CLPTM1L: variants seen among roughly 807,000 people sequenced by gnomAD.
CLPTM1L encodes lipid scramblase CLPTM1L.
In CLPTM1L, 38 loss-of-function variants were observed where a neutral mutation model predicts 70.9. That is an observed-to-expected ratio of 0.54 (90% confidence interval 0.41 to 0.70). CLPTM1L has a LOEUF of 0.70. Ranked by LOEUF, CLPTM1L falls within the 30% of genes least tolerant of loss-of-function variation. CLPTM1L has a pLI of 0.00. For synonymous variants in CLPTM1L, 339 were observed against 299.9 expected (o/e 1.13, Z -1.35); for missense variants, 652 against 705.9 (o/e 0.92, Z 0.87).
chr5:1,341,474 A>T (rs931055086), intron 3 of CLPTM1L, among the ~76,000 whole-genome samples, 197 bp downstream of exon 3: 1 of 152,242 alleles, frequency 6.6e-6, no homozygotes, highest in Non-Finnish European at 1.5e-5. Context: ...CTAATTTTAG[A>T]TAAAACTTGT....
intron 9 of CLPTM1L, among the ~76,000 whole-genome samples, chr5:1,330,010 G>A (rs575632076): frequency 1.3e-5 from 2 of 150,630 alleles, no homozygotes; most frequent in East Asian, 2.0e-4. Context: ...AGGACTATCT[G>A]CTTGGTGGAC....
At chr5:1,334,432 T>C (rs750854003) in intron 6 of CLPTM1L, 49 bp from the exon 7 acceptor site, 35 of 1,261,618 alleles carry the variant, frequency 2.8e-5, no homozygotes, top group Non-Finnish European at 2.7e-5. Flanking sequence ...ATGTCAATCT[T>C]ACCTAACATT....
At chr5:1,330,238 C>A in intron 9 of CLPTM1L, 42 bp downstream of exon 9, 3 of 1,522,802 alleles carry the variant, frequency 2.0e-6, no homozygotes, top group Non-Finnish European at 2.7e-6. Context: ...TGCGTGGAGG[C>A]ACATGGACCT....
rs1751979299 is a variant in CLPTM1L, at chr5:1,318,746, G to T, written c.1533-293C>A. 6.6e-6 allele frequency among the ~76,000 whole-genome samples: 1 copy of T among 152,322 alleles called. No individual in the cohort carries two copies. The highest frequency in any genetic ancestry group is 3.4e-3 in the Middle Eastern group (1 of 294). On this transcript the variant is annotated intron_variant, in intron 16 of 16. Transcript: ENST00000320895. This position sits in a 1 kb window ranked among gnomAD's most constrained non-coding sequence, Gnocchi z 8.9. The stretch of plus-strand genomic sequence containing the variant: ...TGGCTGAAGGGGGGACCCGGAGGCT[G>T]CACGGGCTGCCTTCTGGGAACGGTG...
Position 1,323,854 on chromosome 5 carries a change from A to G in CLPTM1L, c.1213T>C (p.Ser405Pro), listed in dbSNP as rs1561230478. Residue 405 changes from serine to proline, a missense_variant, in exon 12 of 17, where the codon TCA (serine) becomes CCA (proline). Physicochemically the swap from Ser to Pro is moderately conservative, Grantham distance 74. Around this residue, in one of 3 missense-constraint regions of CLPTM1L, gnomAD observed 240 missense variants for 295.0 expected, o/e 0.81. Coordinates refer to ENST00000320895, the MANE Select transcript of CLPTM1L (RefSeq NM_030782.5). ...ACACAGAGAGGGTACAGCAGGTATG[A>G]CAAGTACTTCATGGCCTGCAGGGAA... ...EYDTQAMKYL[S>P]YLLYPLCVGG... 1 of 1,613,564 alleles carries G rather than the reference A, an allele frequency of 6.2e-7. No homozygotes were observed. Among genetic ancestry groups the G allele is most frequent in the Non-Finnish European group, 8.5e-7 (1 of 1,179,786 alleles).
In CLPTM1L at chr5:1,321,710, T is replaced by C. The variant is rs567074370; in HGVS notation, c.1372-31A>G. 36 of 1,613,932 alleles carry C rather than the reference T, an allele frequency of 2.2e-5. No homozygotes were observed. In the African/African-American group the frequency reaches 3.5e-4, roughly 16 times the overall value. On this transcript the variant is annotated intron_variant, in intron 14 of 16. Coordinates refer to ENST00000320895, the MANE Select transcript of CLPTM1L (RefSeq NM_030782.5). ...ACAGGAGAGACAGGCCCAGGTCAGC[T>C]GTGGGCAGCACAGGAGACGGGGGCC...
Position 1,320,655 on chromosome 5 carries a change from C to T in CLPTM1L, c.1493G>A (p.Arg498Gln), listed in dbSNP as rs771252174. 2.1e-5 allele frequency: 32 copies of T among 1,547,134 alleles called. No individual in the cohort carries two copies. The highest frequency in any genetic ancestry group is 2.0e-4 in the Middle Eastern group (1 of 4,926). ...MPTSHRLACF[R>Q]DDVVFLVYLY... is the part of the protein sequence containing the mutation. Reference sequence around the variant, plus strand: ...GTAGACCAGAAACACCACGTCGTCCCGGAAGCAGGCCAGCCGGTGAGACGT... The same window carrying T: ...GTAGACCAGAAACACCACGTCGTCCTGGAAGCAGGCCAGCCGGTGAGACGT... The change falls in exon 16 of 17, where the codon CGG (arginine) becomes CAG (glutamine). Residue 498 changes from arginine (R) to glutamine (Q), a missense_variant. Coordinates refer to ENST00000320895, the MANE Select transcript of CLPTM1L (RefSeq NM_030782.5).
Position 1,339,746 on chromosome 5 carries a change from T to G in CLPTM1L, c.454-741A>C, listed in dbSNP as rs556745822. ...ACCTGTGAACAGATGGCCACGCACA[T>G]GGAAAAACCGCGCCCGGACAGCAGG... On this transcript the variant is annotated intron_variant, in intron 3 of 16. Transcript: ENST00000320895. Among the ~76,000 whole-genome samples, 2 of 60,404 alleles carry G rather than the reference T, an allele frequency of 3.3e-5. 1 individual carries two copies. The highest frequency in any genetic ancestry group is 8.3e-4 in the South Asian group (2 of 2,420). The allele number at this position is 60,404 out of a possible 152,430, so 39.6% of individuals were successfully genotyped here. A position where few individuals can be genotyped will look rare whatever the true frequency, so the allele number is the denominator to read the frequency against.
At chr5:1,336,950 C>T (rs903955428) in intron 5 of CLPTM1L, among the ~76,000 whole-genome samples, 11 of 152,214 alleles carry the variant, frequency 7.2e-5, no homozygotes, top group Admixed American at 4.6e-4. Context: ...GCTGCACCCC[C>T]CCGCTAGCAA....
Position 1,338,930 on chromosome 5 carries a change from T to G in CLPTM1L, c.529A>C (p.Asn177His), listed in dbSNP as rs1366179644. The G allele has an allele frequency of 6.2e-7, 1 of 1,613,370 alleles. No homozygotes were observed. The highest frequency in any genetic ancestry group is 1.1e-5 in the South Asian group (1 of 91,092). The stretch of plus-strand genomic sequence containing the variant: ...AAGACAAAGTTGTCCGCCATCACGT[T>G]CAGCGCCAGCCGCGGTCGCCAGTGG... ...VSHWRPRLAL[N>H]VMADNFVFDG... The change falls in exon 4 of 17, where the codon AAC becomes CAC. Residue 177 changes from asparagine to histidine, a missense_variant. Asn to His is a moderately conservative substitution (Grantham distance 68). Around this residue, in one of 3 missense-constraint regions of CLPTM1L, gnomAD observed 402 missense variants for 388.2 expected, o/e 1.04. Coordinates refer to ENST00000320895, the MANE Select transcript of CLPTM1L (RefSeq NM_030782.5).
At chr5:1,319,338 T>C (rs1419814768) in intron 16 of CLPTM1L, among the ~76,000 whole-genome samples, 1 of 89,882 alleles carries the variant, frequency 1.1e-5, no homozygotes, top group Admixed American at 1.9e-4. Context: ...GTGCAGGGGC[T>C]GCACGAGACA....
At chr5:1,337,110 G>A (rs1442919607) in intron 5 of CLPTM1L, among the ~76,000 whole-genome samples, 1 of 152,156 alleles carries the variant, frequency 6.6e-6, no homozygotes, top group East Asian at 1.9e-4. Context: ...AGGGAGGCAG[G>A]GCAGGGCAGC....
intron 7 of CLPTM1L, 80 bp downstream of exon 7, chr5:1,334,209 G>T: frequency 9.9e-7 from 1 of 1,014,212 alleles, no homozygotes; most frequent in Non-Finnish European, 1.5e-6. Flanking sequence ...ACAAACCCCA[G>T]GTCCAGGACC....
intron 11 of CLPTM1L, 83 bp from the exon 12 acceptor site, chr5:1,323,952 G>A (rs563358441): frequency 3.7e-6 from 4 of 1,084,276 alleles, no homozygotes; most frequent in South Asian, 2.5e-5. Flanking sequence ...CACCCCGACA[G>A]GGACAGACAG....
chr5:1,320,100 C>T (rs1360104207), intron 16 of CLPTM1L: 2 of 152,400 alleles, frequency 1.3e-5, no homozygotes, highest in African/African-American at 4.8e-5. Context: ...AGCCGTCAGC[C>T]TTCAACCTGA....
At chr5:1,322,245 G>A (rs1431117149) in intron 13 of CLPTM1L, among the ~76,000 whole-genome samples, 3 of 152,184 alleles carry the variant, frequency 2.0e-5, no homozygotes, top group Non-Finnish European at 2.9e-5. Flanking sequence ...TAATGCTCAC[G>A]GGACCACTTC....
rs1344596288 is a variant in CLPTM1L at position 1,342,812 on chromosome 5, C to T, written c.264-952G>A. On this transcript the variant is annotated intron_variant, in intron 2 of 16. Transcript: ENST00000320895. The surrounding 1 kb of genome is among the most constrained non-coding windows in gnomAD (Gnocchi z 4.3). ...TCACATTGCCTAGGCTGGTCTTGAA[C>T]TGCTGGGCTCAAGTGATCCTCCCGC... is the stretch of plus-strand genomic sequence containing the variant. 6.6e-6 allele frequency among the ~76,000 whole-genome samples: 1 copy of T among 152,250 alleles called. No individual in the cohort carries two copies. The highest frequency in any genetic ancestry group is 1.5e-5 in the Non-Finnish European group (1 of 68,034).
rs201228545 is a variant in CLPTM1L, at chr5:1,322,883, C to T, written c.1309G>A (p.Val437Ile). ...GGGAAGCACATGGACTCACCGTTGA[C>T]GAAGCTGTTGATTAACCAGGAGTAC... ...SWYSWLINSF[V>I]NGVYAFGFLF... The change falls in exon 13 of 17, where the codon GTC becomes ATC. Residue 437 changes from valine to isoleucine, a missense_variant. Coordinates refer to ENST00000320895, the MANE Select transcript of CLPTM1L (RefSeq NM_030782.5). 154 of 1,613,734 alleles carry T rather than the reference C, an allele frequency of 9.5e-5. No individual in the cohort carries two copies. The highest frequency in any genetic ancestry group is 1.3e-4 in the Non-Finnish European group (152 of 1,179,888).
intron 9 of CLPTM1L, chr5:1,326,183 A>C: frequency 7.1e-6 from 2 of 280,620 alleles, no homozygotes; most frequent in African/African-American, 2.2e-5. Context: ...CCGCCACCTC[A>C]TGGCTAAATG....
Sources: allele counts gnomAD v4.1 joint callset (sites outside exome capture counted in the v4.1 genomes callset), GRCh38; gene constraint gnomAD v4.1.1; regional missense constraint gnomAD v4.1.1; non-coding constraint Gnocchi (gnomAD v3.1); transcripts MANE v1.5; gene names NCBI Gene and HGNC (gene_info 2026-07-23, HGNC 2026-07-21).